The following RCBTB1 variants were observed in gnomAD, a reference collection of about 807,000 sequenced individuals.
RCBTB1 encodes the protein RCC1 and BTB domain containing protein 1.
In RCBTB1, 46 loss-of-function variants were observed where a neutral mutation model predicts 62.4. The ratio of observed to expected loss-of-function variants is 0.74; its 90% CI spans 0.58 to 0.94. RCBTB1 has a LOEUF of 0.94. Among genes scored for constraint, RCBTB1 ranks in the 40% least tolerant of loss-of-function variants. The probability of loss-of-function intolerance (pLI) is 0.00; values close to 1 mark genes in which losing one functional copy is unlikely to be tolerated. For missense variants in RCBTB1, 565 were observed against 654.9 expected, an observed-to-expected ratio of 0.86 and a Z score of 1.50; for synonymous variants, 222 against 245.8, an observed-to-expected ratio of 0.90 and a Z score of 0.91.
intron 12 of RCBTB1, among the ~76,000 whole-genome samples, chr13:49,535,402 G>A (rs905947358): frequency 6.6e-6 from 1 of 152,116 alleles, no homozygotes; most frequent in Non-Finnish European, 1.5e-5. Context: ...ATATATAAAA[G>A]GAAATCACAC....
In RCBTB1 at chr13:49,540,831, A is replaced by G. The variant is rs536700657; in HGVS notation, c.1455+45T>C. On this transcript the variant is annotated intron_variant, in intron 12 of 12. Transcript: ENST00000378302. ...GCAAGAAGCGGGGGAGACGAGCACA[A>G]AGGGAGTTAAAGGTGGTCTGGTTTC... 6 of 1,592,910 alleles carry G rather than the reference A, an allele frequency of 3.8e-6. No homozygotes were observed. In the African/African-American group the frequency reaches 8.1e-5, roughly 22 times the overall value.
chr13:49,549,404 G>C (rs998021398), intron 9 of RCBTB1, 54 bp downstream of exon 9: 54 of 1,511,808 alleles, frequency 3.6e-5, no homozygotes, highest in South Asian at 3.1e-4. Context: ...CAGGAAAACT[G>C]GTCAGTTGGT....
intron 1 of RCBTB1, among the ~76,000 whole-genome samples, chr13:49,581,383 C>T (rs1244395043): frequency 1.3e-5 from 2 of 152,174 alleles, no homozygotes; most frequent in Admixed American, 6.5e-5. Flanking sequence ...CACAGGCAGA[C>T]GCTGAGCTTG....
intron 12 of RCBTB1, among the ~76,000 whole-genome samples, chr13:49,539,694 G>A (rs1175990759): frequency 6.6e-6 from 1 of 152,138 alleles, no homozygotes; most frequent in Non-Finnish European, 1.5e-5. Context: ...GAGGTTCAGG[G>A]TGTCACAGGA....
At chr13:49,578,887 T>C (rs1963936859) in intron 2 of RCBTB1, among the ~76,000 whole-genome samples, 1 of 152,242 alleles carries the variant, frequency 6.6e-6, no homozygotes, top group South Asian at 2.1e-4. Context: ...TCTTTATTTC[T>C]GAATCCATTT....
intron 6 of RCBTB1, 86 bp from the exon 7 acceptor site, chr13:49,552,371 T>C (rs1961444777): frequency 1.3e-6 from 1 of 743,406 alleles, no homozygotes; most frequent in Non-Finnish European, 2.2e-6. Flanking sequence ...TCTAAACAAA[T>C]CAGATACTTC....
chr13:49,577,077 C>T (rs1325915314), intron 2 of RCBTB1, among the ~76,000 whole-genome samples: 1 of 152,190 alleles, frequency 6.6e-6, no homozygotes, highest in East Asian at 1.9e-4. Flanking sequence ...CTTATCCTAG[C>T]TATTGGCACT....
rs527446413 is a variant in RCBTB1, at chr13:49,576,882, G to C, written c.-42+3623C>G. Among the ~76,000 whole-genome samples, 6 of 152,076 alleles carry C rather than the reference G, an allele frequency of 3.9e-5. No homozygotes were observed. In the East Asian group the frequency reaches 1.2e-3, roughly 29 times the overall value. On this transcript the variant is annotated intron_variant, in intron 2 of 12. Transcript: ENST00000378302. The stretch of plus-strand genomic sequence containing the variant: ...GTATAAAGATAAAACAAGGGTGCAA[G>C]GAAAGAAAAGAGGAACGCAAAAATG...
intron 4 of RCBTB1, among the ~76,000 whole-genome samples, chr13:49,565,817 T>C (rs1318623883): frequency 1.3e-5 from 2 of 151,958 alleles, no homozygotes; most frequent in Admixed American, 1.3e-4. Flanking sequence ...TTTCGTCGAA[T>C]AGAAAAGGGG....
intron 12 of RCBTB1, among the ~76,000 whole-genome samples, chr13:49,536,140 C>A (rs1477942080): frequency 6.6e-6 from 1 of 152,194 alleles, no homozygotes; most frequent in East Asian, 1.9e-4. Context: ...CCCTTCCCCT[C>A]CAATTAGTTT....
At chr13:49,548,593 GTATA>G in intron 9 of RCBTB1, among the ~76,000 whole-genome samples, 1 of 150,878 alleles carries the variant, frequency 6.6e-6, no homozygotes, top group Non-Finnish European at 1.5e-5. Context: ...AAAATATGGT[GTATA>G]TATATATAAT....
At position 49,552,178 on chromosome 13, in the gene RCBTB1, C is replaced by A; in HGVS notation, c.711G>T (p.Gln237His). 6.4e-7 allele frequency: 1 copy of A among 1,567,540 alleles called. No homozygotes were observed. Among genetic ancestry groups the A allele is most frequent in the East Asian group, 2.3e-5 (1 of 43,432 alleles). Residue 237 changes from glutamine to histidine, a missense_variant and splice_region_variant, in exon 7 of 13, where the codon CAG (glutamine) becomes CAT (histidine). Coordinates refer to ENST00000378302, the MANE Select transcript of RCBTB1 (RefSeq NM_018191.4). Reference protein sequence around the residue: ...VAALHSVCVNQIVCGYAHTLA... With the variant: ...VAALHSVCVNHIVCGYAHTLA... ...CTAACTGAGAGTGCACCACACGTAC[C>A]TGGTTCACACACACGCTGTGCAAAG...
intron 2 of RCBTB1, among the ~76,000 whole-genome samples, chr13:49,575,687 T>C (rs949964720): frequency 5.3e-5 from 8 of 151,758 alleles, no homozygotes; most frequent in African/African-American, 1.7e-4. Context: ...GAACTAAATA[T>C]AGGGTACACG....
intron 1 of RCBTB1, among the ~76,000 whole-genome samples, chr13:49,585,025 A>G (rs554333440): frequency 6.6e-6 from 1 of 152,322 alleles, no homozygotes; most frequent in Admixed American, 6.5e-5. Flanking sequence ...CACTACTCTC[A>G]GGAGACGAAG....
chr13:49,536,810 G>A (rs1020752599), intron 12 of RCBTB1, among the ~76,000 whole-genome samples: 2 of 152,142 alleles, frequency 1.3e-5, no homozygotes, highest in Non-Finnish European at 2.9e-5. Context: ...TAAGGCAAAT[G>A]AGATAAAATA....
At chr13:49,585,171 G>A (rs1594372521) in intron 1 of RCBTB1, among the ~76,000 whole-genome samples, 1 of 152,262 alleles carries the variant, frequency 6.6e-6, no homozygotes, top group African/African-American at 2.4e-5. Context: ...AAAAAAGAGA[G>A]GGAGGCAGGG....
At chr13:49,548,700 G>A (rs1301107719) in intron 9 of RCBTB1, among the ~76,000 whole-genome samples, 2 of 151,794 alleles carry the variant, frequency 1.3e-5, no homozygotes, top group Non-Finnish European at 2.9e-5. Flanking sequence ...CCAGACACAT[G>A]GGTCACATAT....
intron 6 of RCBTB1, among the ~76,000 whole-genome samples, chr13:49,552,901 A>G (rs1961503444): frequency 6.6e-6 from 1 of 152,130 alleles, no homozygotes; most frequent in African/African-American, 2.4e-5. Flanking sequence ...GACTAGAAGA[A>G]GGCTGGGTGG....
intron 12 of RCBTB1, among the ~76,000 whole-genome samples, chr13:49,534,862 C>T (rs970698207): frequency 2.2e-4 from 33 of 151,946 alleles, no homozygotes; most frequent in African/African-American, 7.3e-4. Flanking sequence ...AGGGAAACCC[C>T]GTCTCTAGTA....
Sources: allele counts gnomAD v4.1 joint callset (sites outside exome capture counted in the v4.1 genomes callset), GRCh38; gene constraint gnomAD v4.1.1; transcripts MANE v1.5; gene names NCBI Gene and HGNC (gene_info 2026-07-23, HGNC 2026-07-21).